Variants in TTLL12 observed in about 807,000 individuals in gnomAD.
TTLL12 encodes tubulin tyrosine ligase like 12.
In TTLL12, 77 loss-of-function variants were observed where a neutral mutation model predicts 79.6. The ratio of observed to expected loss-of-function variants is 0.97; its 90% CI spans 0.81 to 1.17. TTLL12 has a LOEUF of 1.17. Ranked by LOEUF, TTLL12 falls within the 50% of genes most tolerant of loss-of-function variation. The pLI is 0.00. For synonymous variants in TTLL12, 437 were observed against 376.1 expected (o/e 1.16, Z -1.87); for missense variants, 969 against 895.9 (o/e 1.08, Z -1.04).
intron 1 of TTLL12, among the ~76,000 whole-genome samples, chr22:43,184,595 G>T (rs377126533): frequency 8.5e-5 from 13 of 152,362 alleles, no homozygotes; most frequent in African/African-American, 3.1e-4. Flanking sequence ...GAGAGACAAG[G>T]CACCTGAGAC....
In TTLL12 at chr22:43,179,713, G is replaced by A; in HGVS notation, c.746C>T (p.Pro249Leu). ...TRDFAYGETD[P>L]LIRKCMLLPW... ...CAGCAGCATGCACTTCCGGATCAGGGGGTCCGTCTCTCCGTAGGCAAAGTC... is the reference window on the plus strand; with the variant it reads ...CAGCAGCATGCACTTCCGGATCAGGAGGTCCGTCTCTCCGTAGGCAAAGTC... The change falls in exon 5 of 14, where the codon CCC (proline) becomes CTC (leucine). Residue 249 changes from proline to leucine, a missense_variant. Pro to Leu is a moderately conservative substitution (Grantham distance 98). Transcript: ENST00000216129. 3 of 1,566,570 alleles carry A rather than the reference G, an allele frequency of 1.9e-6. No individual in the cohort carries two copies. Among genetic ancestry groups the A allele is most frequent in the Non-Finnish European group, 2.6e-6 (3 of 1,156,178 alleles).
chr22:43,182,296 G>A (rs1311621507), intron 2 of TTLL12, among the ~76,000 whole-genome samples: 1 of 152,236 alleles, frequency 6.6e-6, no homozygotes, highest in Non-Finnish European at 1.5e-5. Context: ...GTGCTGGGCT[G>A]TCCGTATTTC....
At chr22:43,183,980 T>G (rs1932121236) in intron 1 of TTLL12, among the ~76,000 whole-genome samples, 1 of 152,262 alleles carries the variant, frequency 6.6e-6, no homozygotes, top group Non-Finnish European at 1.5e-5. Context: ...AACCTCCCTC[T>G]GAGGGCTACT....
intron 2 of TTLL12, 57 bp from the exon 3 acceptor site, chr22:43,180,997 C>T (rs1285367279): frequency 1.5e-5 from 23 of 1,562,430 alleles, no homozygotes; most frequent in East Asian, 1.4e-4. Flanking sequence ...AAAGGGAAGT[C>T]GGGGGAGCAA....
chr22:43,182,230 G>A (rs993648601), intron 2 of TTLL12, among the ~76,000 whole-genome samples: 1 of 152,238 alleles, frequency 6.6e-6, no homozygotes, highest in African/African-American at 2.4e-5. Context: ...CCGCACAGGA[G>A]AACTCACTTC....
intron 12 of TTLL12, among the ~76,000 whole-genome samples, chr22:43,169,255 G>A (rs1008572069): frequency 1.3e-5 from 2 of 152,170 alleles, no homozygotes; most frequent in Admixed American, 1.3e-4. Flanking sequence ...GCCACCCTCT[G>A]GCTGTCCCAG....
intron 4 of TTLL12, 36 bp downstream of exon 4, chr22:43,179,805 G>A (rs905766293): frequency 2.6e-6 from 4 of 1,554,430 alleles, no homozygotes; most frequent in Admixed American, 1.9e-5. Flanking sequence ...ACTGGGCTGA[G>A]GCCCCTCCTC....
intron 1 of TTLL12, among the ~76,000 whole-genome samples, chr22:43,186,453 T>C (rs1932188189): frequency 1.3e-5 from 2 of 152,124 alleles, no homozygotes; most frequent in Non-Finnish European, 2.9e-5. Context: ...TCAAATCAAA[T>C]GAAAAAACAC....
In TTLL12 at chr22:43,184,624, C is replaced by A. The variant is rs554136419; in HGVS notation, c.178-1475G>T. Among the ~76,000 whole-genome samples the A allele has an allele frequency of 4.5e-4, 69 of 152,348 alleles. 2 individuals are homozygous for A. In the South Asian group the frequency reaches 9.9e-3, roughly 22 times the overall value. On this transcript the variant is annotated intron_variant, in intron 1 of 13. Transcript: ENST00000216129. ...CTGAGACAAGAGCCATCCAGTTCTC[C>A]TTTAGCCCTCAAGGTGGGTCTGGGG...
intron 5 of TTLL12, among the ~76,000 whole-genome samples, chr22:43,178,563 C>T (rs112400800): frequency 1.1e-4 from 17 of 152,112 alleles, no homozygotes; most frequent in African/African-American, 3.1e-4. Context: ...TCTTGTGATC[C>T]GCCCGCCTCA....
Position 43,168,851 on chromosome 22 carries a change from A to T in TTLL12, c.1706T>A (p.Leu569Gln). 3 of 1,607,792 alleles carry T rather than the reference A, an allele frequency of 1.9e-6. No individual in the cohort carries two copies. Among genetic ancestry groups the T allele is most frequent in the South Asian group, 1.1e-5 (1 of 89,802 alleles). Residue 569 changes from leucine to glutamine, a missense_variant, in exon 13 of 14, where the codon CTG (leucine) becomes CAG (glutamine). Physicochemically the swap from Leu to Gln is moderately radical, Grantham distance 113 (BLOSUM62 -2). Transcript: ENST00000216129. ...FQVACAKPPPLGLCDYPSSRA... is the reference protein window; with the variant it reads ...FQVACAKPPPQGLCDYPSSRA... Reference sequence around the variant, plus strand: ...GGATGAGGGGTAGTCGCAGAGGCCCAGGGGTGGTGGCTTGGCACAGGCCAC... The same window carrying T: ...GGATGAGGGGTAGTCGCAGAGGCCCTGGGGTGGTGGCTTGGCACAGGCCAC...
intron 1 of TTLL12, among the ~76,000 whole-genome samples, chr22:43,185,281 ATATATATATATATATATATG>A (rs1932154361): frequency 8.6e-6 from 1 of 116,808 alleles, no homozygotes; most frequent in South Asian, 3.3e-4. Flanking sequence ...ATATATATAT[ATATATATATATATATATATG>A]TATGTATCTT....
At chr22:43,186,814 C>T in intron 1 of TTLL12, 79 bp downstream of exon 1, 1 of 1,201,554 alleles carries the variant, frequency 8.3e-7, no homozygotes, top group Non-Finnish European at 1.0e-6. Context: ...CCCGGGAGCG[C>T]TCTTCCCTGT....
rs1307620357 is a variant in TTLL12 at position 43,168,809 on chromosome 22, A to ACGG, written c.1745_1747dup (p.Ala582dup). ...GTTGTCCCACTTCAGCATGAGGTCG[A>ACGG]CGGCATACATGGCCCGGGATGAGGG... On this transcript the variant is annotated inframe_insertion, in exon 13 of 14. Coordinates refer to ENST00000216129, the MANE Select transcript of TTLL12 (RefSeq NM_015140.4). 6.3e-6 allele frequency: 10 copies of ACGG among 1,578,622 alleles called. No individual in the cohort carries two copies. Among genetic ancestry groups the ACGG allele is most frequent in the Non-Finnish European group, 8.6e-6 (10 of 1,163,056 alleles).
chr22:43,176,489 A>G (rs1931916253), intron 5 of TTLL12, 93 bp from the exon 6 acceptor site: 2 of 1,040,406 alleles, frequency 1.9e-6, no homozygotes, highest in Admixed American at 2.0e-5. Flanking sequence ...CAGCACTTTG[A>G]GAGGGTGAGG....
At chr22:43,171,334 A>G (rs997956851) in intron 11 of TTLL12, among the ~76,000 whole-genome samples, 1 of 152,174 alleles carries the variant, frequency 6.6e-6, no homozygotes, top group East Asian at 1.9e-4. Flanking sequence ...TGCAGCTGCC[A>G]TTCACTGAGT....
Position 43,187,080 on chromosome 22 carries a change from C to A in TTLL12, c.-11G>T, listed in dbSNP as rs566260791. 1.0e-4 allele frequency: 119 copies of A among 1,147,692 alleles called. No individual in the cohort carries two copies. The highest frequency in any genetic ancestry group is 9.9e-5 in the Admixed American group (2 of 20,244). The allele number at this position is 1,147,692 out of a possible 1,614,324, so 71.1% of individuals were successfully genotyped here. On this transcript the variant is annotated 5_prime_UTR_variant, in exon 1 of 14. Transcript: ENST00000216129. Reference sequence around the variant, plus strand: ...CCGCTCGGCCTCCATGGCGCCAGCACCCGCGCCGACTCCAGCGCCGCCACC... The same window carrying A: ...CCGCTCGGCCTCCATGGCGCCAGCAACCGCGCCGACTCCAGCGCCGCCACC...
At chr22:43,169,461 GC>G in intron 12 of TTLL12, 38 bp downstream of exon 12, 1 of 1,528,252 alleles carries the variant, frequency 6.5e-7, no homozygotes, top group Non-Finnish European at 8.8e-7. Flanking sequence ...CCCGGGACCC[GC>G]CCCACCGGCC....
chr22:43,180,723 G>A lies in TTLL12; in HGVS notation c.546+19C>T, dbSNP rs1175077081. 3 of 1,611,960 alleles carry A rather than the reference G, an allele frequency of 1.9e-6. No individual in the cohort carries two copies. Among genetic ancestry groups the A allele is most frequent in the Non-Finnish European group, 2.5e-6 (3 of 1,179,400 alleles). ...CCATGCCTGTCCTCCCCCTCCCCGGGGCCCAGCTACCCACTCACCCCATGG... is the reference window on the plus strand; with the variant it reads ...CCATGCCTGTCCTCCCCCTCCCCGGAGCCCAGCTACCCACTCACCCCATGG... On this transcript the variant is annotated intron_variant, in intron 3 of 13. Transcript: ENST00000216129.
Sources: allele counts gnomAD v4.1 joint callset (sites outside exome capture counted in the v4.1 genomes callset), GRCh38; gene constraint gnomAD v4.1.1; transcripts MANE v1.5; gene names NCBI Gene and HGNC (gene_info 2026-07-23, HGNC 2026-07-21).